Variants in NKAIN3 observed in about 807,000 individuals in gnomAD.
NKAIN3 encodes the protein sodium/potassium transporting ATPase interacting 3.
A neutral mutation model predicts 30.2 loss-of-function variants in NKAIN3; 25 were observed. The ratio of observed to expected loss-of-function variants is 0.83; its 90% confidence interval spans 0.60 to 1.16. NKAIN3 has a LOEUF of 1.16. Ranked by LOEUF, NKAIN3 falls within the 50% of genes most tolerant of loss-of-function variation. The pLI, the probability that NKAIN3 is intolerant of heterozygous loss-of-function variation, is 0.00. For synonymous variants in NKAIN3, 91 were observed against 89.6 expected (o/e 1.02, Z -0.09); for missense variants, 225 against 254.1 (o/e 0.89, Z 0.78).
intron 1 of NKAIN3, among the ~76,000 whole-genome samples, chr8:62,305,927 G>A (rs1220077166): frequency 2.7e-5 from 4 of 150,488 alleles, no homozygotes; most frequent in Non-Finnish European, 4.4e-5. Flanking sequence ...TGCTAGGGGG[G>A]TCCTGTTGGC....
At chr8:62,303,855 A>G (rs927747511) in intron 1 of NKAIN3, among the ~76,000 whole-genome samples, 1 of 150,682 alleles carries the variant, frequency 6.6e-6, no homozygotes, top group Non-Finnish European at 1.5e-5. Flanking sequence ...CCTAGAATAA[A>G]AATAGCCATT....
intron 3 of NKAIN3, among the ~76,000 whole-genome samples, chr8:62,700,827 A>T (rs1484518268): frequency 6.6e-6 from 1 of 152,246 alleles, no homozygotes; most frequent in Non-Finnish European, 1.5e-5. Flanking sequence ...ATGCAAAATA[A>T]ATTATCATCA....
intron 1 of NKAIN3, among the ~76,000 whole-genome samples, chr8:62,390,257 T>G (rs1230400015): frequency 6.6e-6 from 1 of 152,154 alleles, no homozygotes; most frequent in Non-Finnish European, 1.5e-5. Context: ...CCATTTCTTC[T>G]CATCATTTAG....
intron 4 of NKAIN3, among the ~76,000 whole-genome samples, chr8:62,867,900 A>G (rs1036138608): frequency 6.6e-6 from 1 of 152,238 alleles, no homozygotes; most frequent in African/African-American, 2.4e-5. Context: ...TTTACACTGA[A>G]AATATATACA....
At chr8:62,553,299 T>C (rs537866500) in intron 1 of NKAIN3, among the ~76,000 whole-genome samples, 1 of 152,294 alleles carries the variant, frequency 6.6e-6, no homozygotes, top group Admixed American at 6.5e-5. Flanking sequence ...GCATTACAAA[T>C]TCTCTCAAAA....
At chr8:62,717,125 TGAC>T (rs1814931449) in intron 3 of NKAIN3, among the ~76,000 whole-genome samples, 1 of 152,182 alleles carries the variant, frequency 6.6e-6, no homozygotes, top group Non-Finnish European at 1.5e-5. Context: ...AACAAGGGCT[TGAC>T]TAGAGCTGAA....
intron 5 of NKAIN3, among the ~76,000 whole-genome samples, chr8:62,998,989 A>T (rs1335584287): frequency 6.6e-6 from 1 of 152,218 alleles, no homozygotes; most frequent in African/African-American, 2.4e-5. Flanking sequence ...GCAGTTTTTC[A>T]TGAACCTGTT....
At chr8:62,560,760 T>G (rs995569126) in intron 1 of NKAIN3, among the ~76,000 whole-genome samples, 1 of 151,898 alleles carries the variant, frequency 6.6e-6, no homozygotes, top group South Asian at 2.1e-4. Context: ...AGGCTGACCC[T>G]GAACTCCTGA....
chr8:62,304,050 G>A (rs1005134631), intron 1 of NKAIN3, among the ~76,000 whole-genome samples: 8 of 150,480 alleles, frequency 5.3e-5, no homozygotes, highest in Non-Finnish European at 1.2e-4. Flanking sequence ...ACAAGATCAG[G>A]GGTAAACCTG....
At chr8:62,858,939 G>A (rs528543504) in intron 4 of NKAIN3, among the ~76,000 whole-genome samples, 1 of 152,262 alleles carries the variant, frequency 6.6e-6, no homozygotes, top group Admixed American at 6.5e-5. Context: ...GCATTGCCTG[G>A]GCTGCAGACA....
At chr8:62,681,819 T>C (rs1047479694) in intron 3 of NKAIN3, among the ~76,000 whole-genome samples, 5 of 152,216 alleles carry the variant, frequency 3.3e-5, no homozygotes, top group African/African-American at 1.2e-4. Context: ...TAAACTTATC[T>C]TGGTCTTTAA....
At chr8:62,590,212 A>G (rs1225049059) in intron 3 of NKAIN3, among the ~76,000 whole-genome samples, 1 of 151,868 alleles carries the variant, frequency 6.6e-6, no homozygotes, top group African/African-American at 2.4e-5. Flanking sequence ...GCAAGTTTCT[A>G]TCTTTGCTGG....
At chr8:62,274,032 G>T (rs1469321244) in intron 1 of NKAIN3, among the ~76,000 whole-genome samples, 1 of 152,112 alleles carries the variant, frequency 6.6e-6, no homozygotes, top group African/African-American at 2.4e-5. Flanking sequence ...TTTTATTTGG[G>T]TATTCTTTTT....
At chr8:62,511,975 A>G (rs1178014144) in intron 1 of NKAIN3, among the ~76,000 whole-genome samples, 1 of 152,136 alleles carries the variant, frequency 6.6e-6, no homozygotes, top group Non-Finnish European at 1.5e-5. Context: ...CTAAATAGTC[A>G]TCTCTGTAAG....
intron 5 of NKAIN3, among the ~76,000 whole-genome samples, chr8:62,928,318 C>T (rs71527110): frequency 0.11 from 16,394 of 152,162 alleles, 969 homozygotes; most frequent in East Asian, 0.17. Flanking sequence ...ACAGATCTTT[C>T]TCTTTCTCTC....
intron 1 of NKAIN3, among the ~76,000 whole-genome samples, chr8:62,488,659 A>G (rs1308175906): frequency 6.6e-6 from 1 of 152,242 alleles, no homozygotes; most frequent in Non-Finnish European, 1.5e-5. Flanking sequence ...ATCAGCGTAT[A>G]GGTCTCTTAC....
chr8:62,737,601 T>C (rs2130560185), intron 3 of NKAIN3, among the ~76,000 whole-genome samples: 1 of 152,318 alleles, frequency 6.6e-6, no homozygotes, highest in Non-Finnish European at 1.5e-5. Context: ...AGAAAATGCT[T>C]CAGGATCTTG....
At chr8:62,433,781 T>C (rs1369529281) in intron 1 of NKAIN3, among the ~76,000 whole-genome samples, 1 of 152,066 alleles carries the variant, frequency 6.6e-6, no homozygotes, top group Admixed American at 6.6e-5. Flanking sequence ...TTAAGAGGAG[T>C]TGGAAACTTC....
intron 3 of NKAIN3, among the ~76,000 whole-genome samples, chr8:62,684,369 G>C (rs1813733282): frequency 6.6e-6 from 1 of 152,086 alleles, no homozygotes; most frequent in South Asian, 2.1e-4. Context: ...CTTAGATTTG[G>C]AAAAATAAAG....
Sources: gnomAD v4.1 joint callset for allele counts (sites outside exome capture counted in the v4.1 genomes callset) on GRCh38, gnomAD v4.1.1 for gene constraint, MANE v1.5 for transcripts, NCBI Gene and HGNC (gene_info 2026-07-23, HGNC 2026-07-21) for gene names.